USP42: variants seen among roughly 807,000 people sequenced by gnomAD.
The protein encoded by USP42 is ubiquitin specific peptidase 42.
Under a neutral mutation model 113.0 loss-of-function variants are expected in USP42, and 23 were observed. The ratio of observed to expected loss-of-function variants is 0.20; its 90% CI spans 0.15 to 0.29. The LOEUF (loss-of-function observed/expected upper bound fraction) is 0.29, where lower values mean the gene tolerates loss of function less well. USP42 is among the 10% of genes least tolerant of loss of function. The pLI, the probability that USP42 is intolerant of heterozygous loss-of-function variation, is 1.00. For missense variants in USP42, 2,174 were observed against 1,779.8 expected, an observed-to-expected ratio of 1.22 and a Z score of -3.99; for synonymous variants, 933 against 699.0, an observed-to-expected ratio of 1.33 and a Z score of -5.28.
intron 5 of USP42, 44 bp from the exon 6 acceptor site, chr7:6,140,084 T>A (rs781567916): frequency 6.4e-7 from 1 of 1,574,366 alleles, no homozygotes; most frequent in Non-Finnish European, 8.7e-7. Flanking sequence ...CATCTGGAGT[T>A]TTTGCAAAGC....
At chr7:6,145,240 A>G (rs764751875) in intron 9 of USP42, among the ~76,000 whole-genome samples, 2 of 152,030 alleles carry the variant, frequency 1.3e-5, no homozygotes, top group African/African-American at 4.8e-5. Context: ...CTGAGGCAGG[A>G]CAATCACTTG....
chr7:6,108,859 C>T (rs1213545326), intron 1 of USP42, among the ~76,000 whole-genome samples: 2 of 152,222 alleles, frequency 1.3e-5, no homozygotes, highest in Non-Finnish European at 2.9e-5. Context: ...GTATGTTAAT[C>T]ATTCAGCACA....
At chr7:6,100,492 G>A (rs1265080297), upstream of USP42, among the ~76,000 whole-genome samples, 2 of 150,480 alleles carry the variant, frequency 1.3e-5, no homozygotes, top group Non-Finnish European at 1.5e-5. Context: ...ACCATGCCCG[G>A]CTAATTTTTG....
rs199521734 is a variant in USP42 at position 6,150,488 on chromosome 7, G to A, written c.2183G>A (p.Gly728Asp). The change falls in exon 14 of 18, where the codon GGC (glycine) becomes GAC (aspartate). Residue 728 changes from glycine to aspartate, a missense_variant. By Grantham distance (94) the Gly-to-Asp change is moderately conservative. Transcript: ENST00000306177. The part of the protein sequence containing the change: ...ETFRLSNKLK[G>D]STDEMSAPGA... ...TTCAGGCTTAGCAACAAACTGAAAG[G>A]CTCGACGGATGAAATGAGGTAACGT... 2.5e-6 allele frequency: 4 copies of A among 1,613,960 alleles called. No individual in the cohort carries two copies. Among genetic ancestry groups the A allele is most frequent in the African/African-American group, 2.7e-5 (2 of 75,044 alleles).
chr7:6,143,530 C>T (rs550555357), intron 8 of USP42, among the ~76,000 whole-genome samples: 1 of 152,178 alleles, frequency 6.6e-6, no homozygotes, highest in South Asian at 2.1e-4. Flanking sequence ...TTTAAGAAAG[C>T]TCTTTTGTAT....
chr7:6,154,609 C>T lies in USP42; in HGVS notation c.3055C>T (p.His1019Tyr). The part of the protein sequence containing the change: ...GERRSLGRCS[H>Y]HHSRHRSGVE... ...GCGCCGCTCTCTGGGCAGGTGCAGT[C>T]ACCACCACTCCCGACACCGGAGCGG... Residue 1019 changes from histidine to tyrosine, a missense_variant, in exon 15 of 18, where the codon CAC (histidine) becomes TAC (tyrosine). Transcript: ENST00000306177. 1 of 1,590,492 alleles carries T rather than the reference C, an allele frequency of 6.3e-7. No homozygotes were observed.
At chr7:6,145,702 T>C in intron 10 of USP42, 46 bp downstream of exon 10, 1 of 1,577,250 alleles carries the variant, frequency 6.3e-7, no homozygotes, top group Non-Finnish European at 8.6e-7. Context: ...ATACATGCTA[T>C]AAGACAGCAG....
upstream of USP42, among the ~76,000 whole-genome samples, chr7:6,101,693 T>C (rs1281515234): frequency 6.6e-6 from 1 of 151,042 alleles, no homozygotes; most frequent in Non-Finnish European, 1.5e-5. Context: ...TTTGATGGCA[T>C]GGGGCAAGGT....
chr7:6,092,105 CT>C, the USP42 span, among the ~76,000 whole-genome samples: 1 of 137,874 alleles, frequency 7.3e-6, no homozygotes, highest in Admixed American at 7.5e-5. Context: ...TCCTCCTCTT[CT>C]TCTTCTTCTT....
chr7:6,115,906 C>T (rs1225476319), intron 3 of USP42, among the ~76,000 whole-genome samples: 1 of 151,904 alleles, frequency 6.6e-6, no homozygotes, highest in Non-Finnish European at 1.5e-5. Context: ...GGAGACCAAC[C>T]TGGACAACAT....
intron 2 of USP42, among the ~76,000 whole-genome samples, chr7:6,113,648 GTC>G (rs1047101673): frequency 1.1e-4 from 17 of 151,344 alleles, no homozygotes; most frequent in East Asian, 3.9e-4. Flanking sequence ...TTGAGACGAA[GTC>G]TCTCTCTGTC....
rs554095856 is a variant in USP42, at chr7:6,108,860, A to T, written c.-9-2265A>T. Among the ~76,000 whole-genome samples the T allele has an allele frequency of 4.0e-3, 605 of 152,372 alleles. 8 individuals carry two copies. The highest frequency in any genetic ancestry group is 3.5e-3 in the Non-Finnish European group (240 of 68,034). Reference sequence around the variant, plus strand: ...TCAAATGATATACTGTATGTTAATCATTCAGCACAAGCTGGTGCTAAAAGC... The same window carrying T: ...TCAAATGATATACTGTATGTTAATCTTTCAGCACAAGCTGGTGCTAAAAGC... On this transcript the variant is annotated intron_variant, in intron 1 of 17. Coordinates refer to ENST00000306177, the MANE Select transcript of USP42 (RefSeq NM_032172.3).
rs778646966 is a variant in USP42, at chr7:6,111,361, A to G, written c.228A>G (p.Pro76=). Residue 76 remains proline (P), a synonymous_variant, in exon 2 of 18, where the codon CCA becomes CCG. Coordinates refer to ENST00000306177, the MANE Select transcript of USP42 (RefSeq NM_032172.3). The part of the protein sequence containing the change: ...SSVPDKSKPS[P]QKDQALGDGI... Reference sequence around the variant, plus strand: ...TACCTGATAAATCAAAACCATCACCACAAAAGGATCAAGGTACTGTTTTTC... The same window carrying G: ...TACCTGATAAATCAAAACCATCACCGCAAAAGGATCAAGGTACTGTTTTTC... The G allele has an allele frequency of 1.9e-6, 3 of 1,611,864 alleles. No homozygotes were observed. Among genetic ancestry groups the G allele is most frequent in the South Asian group, 1.1e-5 (1 of 90,686 alleles).
intron 3 of USP42, among the ~76,000 whole-genome samples, chr7:6,123,100 A>G (rs1780327263): frequency 6.6e-6 from 1 of 152,096 alleles, no homozygotes; most frequent in Admixed American, 6.5e-5. Context: ...TGCTGGGATT[A>G]TAGGTCTGAG....
At chr7:6,124,577 C>T (rs565598888) in intron 3 of USP42, among the ~76,000 whole-genome samples, 1 of 152,062 alleles carries the variant, frequency 6.6e-6, no homozygotes, top group Non-Finnish European at 1.5e-5. Context: ...AAGTGGATTT[C>T]TTATAAATAG....
the USP42 span, among the ~76,000 whole-genome samples, chr7:6,094,412 C>A: frequency 6.6e-6 from 1 of 150,974 alleles, no homozygotes; most frequent in Non-Finnish European, 1.5e-5. Context: ...CTCAAGCGAT[C>A]TTCCTTCCTC....
intron 3 of USP42, among the ~76,000 whole-genome samples, chr7:6,117,425 A>G (rs888544445): frequency 1.3e-5 from 2 of 152,106 alleles, no homozygotes; most frequent in Non-Finnish European, 2.9e-5. Flanking sequence ...CTAGATCACA[A>G]TTTGTTTCTC....
chr7:6,100,809 G>A (rs1269933126), upstream of USP42, among the ~76,000 whole-genome samples: 1 of 149,640 alleles, frequency 6.7e-6, no homozygotes, highest in Non-Finnish European at 1.5e-5. Context: ...TGGGATTATA[G>A]GCGCGCGCTA....
the USP42 span, among the ~76,000 whole-genome samples, chr7:6,087,127 G>A: frequency 6.1e-5 from 9 of 147,298 alleles, 2 homozygotes; most frequent in African/African-American, 2.1e-4. Flanking sequence ...TGCCTCCCAT[G>A]TTCAAGCGAT....
Sources: allele counts gnomAD v4.1 joint callset (sites outside exome capture counted in the v4.1 genomes callset), GRCh38; gene constraint gnomAD v4.1.1; transcripts MANE v1.5; gene names NCBI Gene and HGNC (gene_info 2026-07-23, HGNC 2026-07-21).